ANK1: variants seen among roughly 807,000 people sequenced by gnomAD.
ANK1 encodes the protein ankyrin 1, also known as ankyrin-1.
In ANK1, 51 loss-of-function variants were observed where a neutral mutation model predicts 210.4. The observed-to-expected ratio is 0.24, with a 90% confidence interval of 0.19 to 0.31. The LOEUF (loss-of-function observed/expected upper bound fraction) is 0.31. Among genes scored for constraint, ANK1 ranks in the 10% least tolerant of loss-of-function variants. The probability of loss-of-function intolerance (pLI) is 1.00; values close to 1 mark genes in which losing one functional copy is unlikely to be tolerated. For synonymous variants in ANK1, 967 were observed against 1,025.9 expected, an observed-to-expected ratio of 0.94 and a Z score of 1.10; for missense variants, 2,051 against 2,504.4, an observed-to-expected ratio of 0.82 and a Z score of 3.86.
At chr8:41,792,686 G>A (rs1847984290) in intron 1 of ANK1, among the ~76,000 whole-genome samples, 1 of 152,182 alleles carries the variant, frequency 6.6e-6, no homozygotes, top group Non-Finnish European at 1.5e-5. Context: ...GGAGGGCCCT[G>A]AGGGAGGTTC....
At chr8:41,791,195 T>G (rs13265935) in intron 1 of ANK1, among the ~76,000 whole-genome samples, 5 of 16,690 alleles carry the variant, frequency 3.0e-4, no homozygotes, top group Admixed American at 2.2e-3. Flanking sequence ...ACTAACTTTG[T>G]TTTTTTTTTT....
intron 1 of ANK1, among the ~76,000 whole-genome samples, chr8:41,824,279 T>G (rs1804975405): frequency 6.6e-6 from 1 of 152,148 alleles, no homozygotes; most frequent in Non-Finnish European, 1.5e-5. Flanking sequence ...TTCAGTATTT[T>G]TAAACTTAAA....
chr8:41,711,219 G>C (rs1197642709), intron 16 of ANK1, among the ~76,000 whole-genome samples: 1 of 152,172 alleles, frequency 6.6e-6, no homozygotes, highest in East Asian at 1.9e-4. Flanking sequence ...CCCACGATTA[G>C]ACACGGAGCA....
intron 1 of ANK1, among the ~76,000 whole-genome samples, chr8:41,859,503 C>T (rs767527017): frequency 2.0e-5 from 3 of 152,182 alleles, no homozygotes; most frequent in Non-Finnish European, 2.9e-5. Flanking sequence ...CACACAACCA[C>T]GCCTGACTAA....
chr8:41,708,371 T>C (rs780290504), intron 17 of ANK1, among the ~76,000 whole-genome samples: 1 of 152,190 alleles, frequency 6.6e-6, no homozygotes, highest in Non-Finnish European at 1.5e-5. Context: ...GAACTCCTAG[T>C]GTATAGGTCA....
chr8:41,771,021 A>T (rs1374370342), intron 1 of ANK1, among the ~76,000 whole-genome samples: 1 of 152,178 alleles, frequency 6.6e-6, no homozygotes, highest in Admixed American at 6.5e-5. Context: ...CCTCTATGTG[A>T]CTGGCACAGT....
At chr8:41,760,617 C>T (rs780936749) in intron 1 of ANK1, among the ~76,000 whole-genome samples, 5 of 152,234 alleles carry the variant, frequency 3.3e-5, no homozygotes, top group Admixed American at 6.5e-5. Flanking sequence ...CTCAGAGCCA[C>T]TCCACTGGGT....
Position 41,653,579 on chromosome 8 carries a change from G to A in ANK1, c.*2211C>T. 1 of 153,202 alleles carries A rather than the reference G, an allele frequency of 6.5e-6. No homozygotes were observed. The highest frequency in any genetic ancestry group is 1.5e-5 in the Non-Finnish European group (1 of 68,388). The allele number at this position is 153,202 out of a possible 1,614,324, so 9.5% of individuals were successfully genotyped here. ...GGGCGCTAAGGGGGCTACTGGGTTG[G>A]CTGCAGCAGCGACCTGGGAGAGGAA... On this transcript the variant is annotated 3_prime_UTR_variant, in exon 43 of 43. Transcript: ENST00000289734.
At chr8:41,661,987 G>A (rs777291858) in intron 40 of ANK1, 46 bp from the exon 41 acceptor site, 20 of 1,601,426 alleles carry the variant, frequency 1.2e-5, no homozygotes, top group South Asian at 5.5e-5. Context: ...GGCCGGGCTC[G>A]GGGGCTCATG....
intron 21 of ANK1, 33 bp downstream of exon 21, chr8:41,702,019 T>C: frequency 1.3e-6 from 2 of 1,588,062 alleles, no homozygotes; most frequent in Non-Finnish European, 1.7e-6. Flanking sequence ...GCTGAGTGTG[T>C]CTGGGGTGGG....
intron 1 of ANK1, among the ~76,000 whole-genome samples, chr8:41,845,406 A>G (rs1223111856): frequency 6.6e-6 from 1 of 152,014 alleles, no homozygotes; most frequent in Non-Finnish European, 1.5e-5. Flanking sequence ...AAAAGAAAAA[A>G]AAAAGATGTG....
At chr8:41,837,171 A>AT (rs1807913314) in intron 1 of ANK1, among the ~76,000 whole-genome samples, 1 of 152,222 alleles carries the variant, frequency 6.6e-6, no homozygotes, top group African/African-American at 2.4e-5. Flanking sequence ...TCACAGAGTA[A>AT]TTTTAAGTCT....
intron 1 of ANK1, among the ~76,000 whole-genome samples, chr8:41,805,488 C>T (rs1025653128): frequency 6.6e-6 from 1 of 152,038 alleles, no homozygotes; most frequent in African/African-American, 2.4e-5. Flanking sequence ...CTCAAGCGAT[C>T]CTCCTGATTC....
chr8:41,699,880 G>C (rs554664123), intron 22 of ANK1, among the ~76,000 whole-genome samples: 35 of 152,240 alleles, frequency 2.3e-4, no homozygotes, highest in Non-Finnish European at 4.0e-4. Context: ...AACTGCTACT[G>C]CTCTTTTCCA....
At chr8:41,786,192 AAAG>A (rs1846348601) in intron 1 of ANK1, among the ~76,000 whole-genome samples, 1 of 152,168 alleles carries the variant, frequency 6.6e-6, no homozygotes, top group South Asian at 2.1e-4. Context: ...ACAGACTCTG[AAAG>A]AAGAGGAGGA....
rs759322274 is a variant in ANK1, at chr8:41,694,148, G to C, written c.3328-46C>G. ...GACACTCAGGCCCAAGCAGGAGAGG[G>C]GCTAATCAGACGGGAGGCAGCTCCA... On this transcript the variant is annotated intron_variant, in intron 28 of 42. Transcript: ENST00000289734. This position sits in a 1 kb window ranked among gnomAD's most constrained non-coding sequence, Gnocchi z 5.7. The C allele has an allele frequency of 4.4e-6, 7 of 1,583,084 alleles. No homozygotes were observed. In the South Asian group the frequency reaches 7.9e-5, roughly 18 times the overall value.
intron 1 of ANK1, among the ~76,000 whole-genome samples, chr8:41,857,070 G>C (rs1006060433): frequency 1.3e-5 from 2 of 151,350 alleles, no homozygotes; most frequent in Admixed American, 6.6e-5. Context: ...GTAGAGACAG[G>C]GTTTCACCAT....
chr8:41,731,750 CA>C (rs1056482199), intron 3 of ANK1, among the ~76,000 whole-genome samples: 4 of 152,096 alleles, frequency 2.6e-5, no homozygotes, highest in Non-Finnish European at 5.9e-5. Flanking sequence ...AAAGACACAC[CA>C]AGTGTTCACT....
chr8:41,866,303 T>G (rs191039940), intron 1 of ANK1, among the ~76,000 whole-genome samples: 119 of 152,306 alleles, frequency 7.8e-4, no homozygotes, highest in Non-Finnish European at 1.3e-3. Flanking sequence ...GATTCTCCTA[T>G]CTCGACTTCC....
Sources: allele counts gnomAD v4.1 joint callset (sites outside exome capture counted in the v4.1 genomes callset), GRCh38; gene constraint gnomAD v4.1.1; non-coding constraint Gnocchi (gnomAD v3.1); transcripts MANE v1.5; gene names NCBI Gene and HGNC (gene_info 2026-07-23, HGNC 2026-07-21).